Variants in PCDHA6 observed in about 807,000 individuals in gnomAD.
PCDHA6 encodes protocadherin alpha 6.
A neutral mutation model predicts 60.3 loss-of-function variants in PCDHA6; 55 were observed. That is an observed-to-expected ratio of 0.91 (90% CI 0.73 to 1.14). The LOEUF is 1.14. Ranked by LOEUF, PCDHA6 falls within the 50% of genes most tolerant of loss-of-function variation. The pLI, the probability that PCDHA6 is intolerant of heterozygous loss-of-function variation, is 0.00. For missense variants in PCDHA6, 1,327 were observed against 1,256.5 expected (o/e 1.06, Z -0.85); for synonymous variants, 652 against 557.9 (o/e 1.17, Z -2.38).
At chr5:141,000,379 C>G (rs1286955585) in intron 3 of PCDHA6, among the ~76,000 whole-genome samples, 6 of 60,366 alleles carry the variant, frequency 9.9e-5, no homozygotes, top group South Asian at 5.4e-4. Context: ...CTCTCTCTCT[C>G]TCTCTCTCTC....
At chr5:140,975,560 A>T (rs1302523568) in intron 1 of PCDHA6, among the ~76,000 whole-genome samples, 1 of 152,238 alleles carries the variant, frequency 6.6e-6, no homozygotes, top group Non-Finnish European at 1.5e-5. Flanking sequence ...AAGGAAAAGG[A>T]GATATTATAT....
At chr5:140,938,468 A>T (rs1427570517) in intron 1 of PCDHA6, among the ~76,000 whole-genome samples, 1 of 152,096 alleles carries the variant, frequency 6.6e-6, no homozygotes, top group Non-Finnish European at 1.5e-5. Flanking sequence ...TTAATTTATT[A>T]TGTTTTTTAA....
intron 1 of PCDHA6, chr5:140,869,089 C>G: frequency 6.3e-7 from 1 of 1,588,998 alleles, no homozygotes; most frequent in Non-Finnish European, 8.6e-7. Context: ...ATTTTGGAAG[C>G]CAATTTCGTA....
At position 141,010,114 on chromosome 5, in the gene PCDHA6, G is replaced by A. The variant is rs2098416092; in HGVS notation, c.*177G>A. Reference sequence around the variant, plus strand: ...GCATTTAACAGGTTTTGTCGTAAAAGCTTTACTAAGTCTGGTGTTAACTCT... The same window carrying A: ...GCATTTAACAGGTTTTGTCGTAAAAACTTTACTAAGTCTGGTGTTAACTCT... On this transcript the variant is annotated 3_prime_UTR_variant, in exon 4 of 4. Transcript: ENST00000529310. The A allele has an allele frequency of 1.2e-6, 2 of 1,609,716 alleles. No homozygotes were observed. Among genetic ancestry groups the A allele is most frequent in the Non-Finnish European group, 1.7e-6 (2 of 1,177,682 alleles).
At chr5:140,900,572 G>A (rs1244478745) in intron 1 of PCDHA6, among the ~76,000 whole-genome samples, 3 of 152,068 alleles carry the variant, frequency 2.0e-5, no homozygotes, top group Non-Finnish European at 4.4e-5. Flanking sequence ...CCACGGCACC[G>A]GCCCATTTTC....
chr5:140,869,158 C>T (rs782164931), intron 1 of PCDHA6: 1 of 1,613,872 alleles, frequency 6.2e-7, no homozygotes, highest in East Asian at 2.2e-5. Context: ...GCTCTGGCTT[C>T]TCCTCCTCGA....
intron 1 of PCDHA6, among the ~76,000 whole-genome samples, chr5:140,964,886 T>C (rs529789945): frequency 6.6e-6 from 1 of 152,306 alleles, no homozygotes; most frequent in South Asian, 2.1e-4. Context: ...GCAGCAGTGA[T>C]AGGAGGCTGG....
At chr5:140,858,580 A>C in intron 1 of PCDHA6, 1 of 1,352,736 alleles carries the variant, frequency 7.4e-7, no homozygotes, top group Non-Finnish European at 1.0e-6. Flanking sequence ...CCTTTGTAAT[A>C]TAATTTATTC....
chr5:140,966,792 C>A (rs1182470326), intron 1 of PCDHA6: 3 of 1,530,564 alleles, frequency 2.0e-6, no homozygotes, highest in Admixed American at 1.9e-5. Context: ...ACCAGACCTG[C>A]GGCGACAGAG....
intron 3 of PCDHA6, among the ~76,000 whole-genome samples, chr5:141,004,953 G>A (rs1409171628): frequency 7.2e-5 from 11 of 152,166 alleles, no homozygotes; most frequent in African/African-American, 2.4e-4. Context: ...ACCCTCTCTC[G>A]TCACTGCCTG....
intron 1 of PCDHA6, among the ~76,000 whole-genome samples, chr5:140,898,001 C>G (rs2066457062): frequency 6.6e-6 from 1 of 152,116 alleles, no homozygotes; most frequent in Non-Finnish European, 1.5e-5. Flanking sequence ...TGAGAAGTGT[C>G]TGTTCATATC....
chr5:140,868,238 C>T (rs1413759486), intron 1 of PCDHA6: 6 of 151,984 alleles, frequency 3.9e-5, no homozygotes, highest in African/African-American at 7.2e-5. Flanking sequence ...TCATCTAGAT[C>T]AATAGACTTT....
intron 2 of PCDHA6, 125 bp downstream of exon 2, chr5:140,979,132 A>T: frequency 4.8e-6 from 7 of 1,471,500 alleles, no homozygotes; most frequent in Non-Finnish European, 6.3e-6. Context: ...TGCCAGGAAA[A>T]TGCAATTATT....
At chr5:140,841,187 C>T in intron 1 of PCDHA6, 1 of 1,214,566 alleles carries the variant, frequency 8.2e-7, no homozygotes, top group South Asian at 1.6e-5. Context: ...TGTTCAAAGT[C>T]TTTTCTCTGA....
At chr5:140,926,771 A>C (rs2083548742) in intron 1 of PCDHA6, 11 of 1,372,492 alleles carry the variant, frequency 8.0e-6, no homozygotes, top group Non-Finnish European at 1.0e-5. Context: ...TCCAGCCCGC[A>C]GCAGTGACGG....
At chr5:140,950,082 A>G (rs2094448240) in intron 1 of PCDHA6, among the ~76,000 whole-genome samples, 1 of 151,916 alleles carries the variant, frequency 6.6e-6, no homozygotes, top group South Asian at 2.1e-4. Flanking sequence ...TGCTTATGCT[A>G]TAGTTTTCAT....
At chr5:140,986,508 G>T (rs1043049646) in intron 3 of PCDHA6, among the ~76,000 whole-genome samples, 26 of 152,184 alleles carry the variant, frequency 1.7e-4, no homozygotes, top group African/African-American at 5.3e-4. Context: ...TAAAAGGACT[G>T]CCCCTGCCTG....
chr5:140,940,499 G>A (rs190058542), intron 1 of PCDHA6, among the ~76,000 whole-genome samples: 23 of 151,756 alleles, frequency 1.5e-4, no homozygotes, highest in African/African-American at 3.9e-4. Context: ...GTCTTGCTCC[G>A]TCGCTCAGGC....
chr5:140,856,566 C>A, intron 1 of PCDHA6: 2 of 1,597,240 alleles, frequency 1.3e-6, no homozygotes, highest in Non-Finnish European at 1.7e-6. Flanking sequence ...AAACTCAGTC[C>A]AAATGAGTAT....
Sources: gnomAD v4.1 joint callset for allele counts (sites outside exome capture counted in the v4.1 genomes callset) on GRCh38, gnomAD v4.1.1 for gene constraint, MANE v1.5 for transcripts, NCBI Gene and HGNC (gene_info 2026-07-23, HGNC 2026-07-21) for gene names.